Variants in RNF13 observed in about 807,000 individuals in gnomAD.
The protein encoded by RNF13 is E3 ubiquitin-protein ligase RNF13.
RNF13 carries 19 observed loss-of-function variants against 37.7 expected under a neutral mutation model. That is an observed-to-expected ratio of 0.50 (90% CI 0.35 to 0.74). RNF13 has a LOEUF of 0.74. Among genes scored for constraint, RNF13 ranks in the 30% least tolerant of loss-of-function variants. The pLI is 0.01. For missense variants in RNF13, 375 were observed against 453.0 expected (o/e 0.83, Z 1.56); for synonymous variants, 144 against 157.8 (o/e 0.91, Z 0.65).
chr3:149,856,938 T>C (rs775395245), intron 3 of RNF13, among the ~76,000 whole-genome samples: 10 of 152,114 alleles, frequency 6.6e-5, no homozygotes, highest in Non-Finnish European at 1.5e-4. Context: ...TTAGTAGAGA[T>C]GGGGTTTCAC....
chr3:149,856,374 A>G (rs1178626428), intron 3 of RNF13, among the ~76,000 whole-genome samples: 1 of 152,222 alleles, frequency 6.6e-6, no homozygotes, highest in Non-Finnish European at 1.5e-5. Flanking sequence ...AAACCAATTA[A>G]ATAAATACGT....
intron 1 of RNF13, among the ~76,000 whole-genome samples, chr3:149,839,717 C>T (rs1295699420): frequency 6.6e-6 from 1 of 152,144 alleles, no homozygotes; most frequent in Non-Finnish European, 1.5e-5. Flanking sequence ...GTTGGGGATG[C>T]AGCCAAACCC....
intron 8 of RNF13, among the ~76,000 whole-genome samples, chr3:149,935,228 T>C (rs972499724): frequency 6.6e-5 from 10 of 152,222 alleles, no homozygotes; most frequent in African/African-American, 2.4e-4. Flanking sequence ...TTGCATGGAA[T>C]ATCTTTTTCC....
intron 1 of RNF13, among the ~76,000 whole-genome samples, chr3:149,832,320 G>A (rs921814041): frequency 6.6e-6 from 1 of 152,156 alleles, no homozygotes; most frequent in Non-Finnish European, 1.5e-5. Flanking sequence ...TGGCAGTGAA[G>A]CAGTTGGTAT....
chr3:149,879,584 A>G (rs537159541), intron 4 of RNF13, among the ~76,000 whole-genome samples: 2 of 152,280 alleles, frequency 1.3e-5, no homozygotes, highest in South Asian at 4.1e-4. Context: ...CTGAGATTAC[A>G]GATGTGAACC....
chr3:149,887,728 G>T (rs895194983), intron 4 of RNF13, among the ~76,000 whole-genome samples: 2 of 152,032 alleles, frequency 1.3e-5, no homozygotes, highest in Non-Finnish European at 2.9e-5. Flanking sequence ...CTCTCCCTTT[G>T]CCCTACTCCC....
At chr3:149,957,850 A>G (rs569516813) in intron 8 of RNF13, among the ~76,000 whole-genome samples, 45 of 152,306 alleles carry the variant, frequency 3.0e-4, no homozygotes, top group South Asian at 2.1e-3. Flanking sequence ...ATAGCTAATA[A>G]AAGGACCAGG....
intron 8 of RNF13, among the ~76,000 whole-genome samples, chr3:149,953,345 C>T (rs867163239): frequency 2.7e-4 from 41 of 152,320 alleles, no homozygotes; most frequent in African/African-American, 9.6e-4. Context: ...ACTATCATCT[C>T]ACCATCAGAA....
chr3:149,881,121 A>C (rs1330591532), intron 4 of RNF13, among the ~76,000 whole-genome samples: 1 of 152,234 alleles, frequency 6.6e-6, no homozygotes, highest in Non-Finnish European at 1.5e-5. Context: ...CTATAGTTTG[A>C]AAAATGCAGA....
intron 6 of RNF13, among the ~76,000 whole-genome samples, chr3:149,909,367 C>T (rs1339212811): frequency 1.3e-5 from 2 of 151,588 alleles, no homozygotes; most frequent in African/African-American, 2.4e-5. Context: ...CTCCGCCTCC[C>T]GGGTTCAAGC....
chr3:149,845,310 T>C (rs576640541), intron 1 of RNF13, among the ~76,000 whole-genome samples: 2 of 152,316 alleles, frequency 1.3e-5, no homozygotes, highest in African/African-American at 4.8e-5. Context: ...ATACAATTGA[T>C]TGAGGCTTAC....
chr3:149,929,385 AC>A (rs1297557234), intron 8 of RNF13, among the ~76,000 whole-genome samples: 1 of 152,038 alleles, frequency 6.6e-6, no homozygotes, highest in Admixed American at 6.6e-5. Context: ...AATTACCTCC[AC>A]CTGGTCCTGC....
intron 4 of RNF13, among the ~76,000 whole-genome samples, chr3:149,882,060 A>G (rs1022395160): frequency 5.3e-5 from 8 of 152,070 alleles, no homozygotes; most frequent in Non-Finnish European, 1.2e-4. Context: ...GTCCAGAATA[A>G]CTATTAGTAG....
chr3:149,898,894 G>A (rs2108497249), intron 5 of RNF13, among the ~76,000 whole-genome samples: 1 of 152,268 alleles, frequency 6.6e-6, no homozygotes, highest in Non-Finnish European at 1.5e-5. Context: ...CTTCTGTGAG[G>A]CATTGCAATT....
intron 7 of RNF13, among the ~76,000 whole-genome samples, chr3:149,912,867 C>T (rs1045009420): frequency 1.5e-4 from 23 of 152,104 alleles, no homozygotes; most frequent in Admixed American, 1.2e-3. Flanking sequence ...TGGTCACTCT[C>T]ATTCTCTTAG....
chr3:149,915,085 A>G (rs980616638), intron 7 of RNF13, among the ~76,000 whole-genome samples: 2 of 152,174 alleles, frequency 1.3e-5, no homozygotes, highest in African/African-American at 4.8e-5. Flanking sequence ...ACTTTTTTAA[A>G]TGGGTACTGG....
intron 8 of RNF13, among the ~76,000 whole-genome samples, chr3:149,944,155 T>C (rs993646220): frequency 6.6e-6 from 1 of 152,208 alleles, no homozygotes; most frequent in Non-Finnish European, 1.5e-5. Flanking sequence ...ACTTATCCTT[T>C]TTTATGGCTG....
intron 4 of RNF13, among the ~76,000 whole-genome samples, chr3:149,887,563 G>A (rs571695472): frequency 1.3e-5 from 2 of 152,296 alleles, no homozygotes; most frequent in African/African-American, 4.8e-5. Context: ...GCCTCCCAAA[G>A]TGCTGGGATT....
At chr3:149,831,762 A>G (rs892141380) in intron 1 of RNF13, among the ~76,000 whole-genome samples, 1 of 151,822 alleles carries the variant, frequency 6.6e-6, no homozygotes, top group African/African-American at 2.4e-5. Context: ...GTATTTCTTC[A>G]TAGCAGTATG....
Sources: allele counts gnomAD v4.1 joint callset (sites outside exome capture counted in the v4.1 genomes callset), GRCh38; gene constraint gnomAD v4.1.1; transcripts MANE v1.5; gene names NCBI Gene and HGNC (gene_info 2026-07-23, HGNC 2026-07-21).